ACADM: variants seen among roughly 807,000 people sequenced by gnomAD.
The protein encoded by ACADM is acyl-CoA dehydrogenase medium chain, also known as medium-chain specific acyl-CoA dehydrogenase, mitochondrial.
In ACADM, 49 loss-of-function variants were observed where a neutral mutation model predicts 58.9. The ratio of observed to expected loss-of-function variants is 0.83; its 90% CI spans 0.66 to 1.06. The LOEUF (loss-of-function observed/expected upper bound fraction) is 1.06, where lower values mean the gene tolerates loss of function less well. Ranked by LOEUF, ACADM falls within the 50% of genes least tolerant of loss-of-function variation. The pLI is 0.00. For missense variants in ACADM, 496 were observed against 507.0 expected (o/e 0.98, Z 0.21); for synonymous variants, 160 against 157.7 (o/e 1.01, Z -0.11).
intron 10 of ACADM, among the ~76,000 whole-genome samples, chr1:75,753,867 G>C (rs1269633972): frequency 1.4e-5 from 2 of 140,292 alleles, no homozygotes; most frequent in Non-Finnish European, 3.0e-5. Flanking sequence ...TGTGATCTCA[G>C]CTCACTGCAA....
chr1:75,725,679 A>C (rs1203967026), intron 1 of ACADM, among the ~76,000 whole-genome samples: 1 of 152,222 alleles, frequency 6.6e-6, no homozygotes, highest in Admixed American at 6.5e-5. Flanking sequence ...AAATGCACAA[A>C]AGTGTTCAAT....
chr1:75,743,414 C>T, intron 7 of ACADM: 3 of 1,609,318 alleles, frequency 1.9e-6, no homozygotes, highest in Non-Finnish European at 2.5e-6. Flanking sequence ...TGTGTGGGTT[C>T]CTCCTAAAGA....
At chr1:75,746,685 G>A (rs1647923289) in intron 8 of ACADM, among the ~76,000 whole-genome samples, 1 of 149,490 alleles carries the variant, frequency 6.7e-6, no homozygotes, top group African/African-American at 2.5e-5. Flanking sequence ...TGCAACCTCT[G>A]CCTCCTGGGC....
intron 7 of ACADM, chr1:75,744,104 TC>T: frequency 6.3e-7 from 1 of 1,588,588 alleles, no homozygotes; most frequent in Non-Finnish European, 8.6e-7. Flanking sequence ...GTTCATTTTC[TC>T]CTGATGTTCT....
intron 6 of ACADM, among the ~76,000 whole-genome samples, chr1:75,738,899 C>T (rs188906205): frequency 1.3e-5 from 2 of 152,268 alleles, no homozygotes; most frequent in Admixed American, 6.5e-5. Flanking sequence ...TGTCACTCCT[C>T]TGTTTAAGAG....
In ACADM at chr1:75,724,792, C is replaced by A; in HGVS notation, c.5C>A (p.Ala2Glu). The change falls in exon 1 of 12, where the codon GCA becomes GAA. Residue 2 changes from alanine to glutamate, a missense_variant. Physicochemically the swap from Ala to Glu is moderately radical, Grantham distance 107. Coordinates refer to ENST00000370841, the MANE Select transcript of ACADM (RefSeq NM_000016.6). M[A>E]AGFGRCCRVL... ...GTGGCCGGAACGGGAGCCAACATGG[C>A]AGCGGGGTTCGGGCGATGCTGCAGG... 1 of 1,523,136 alleles carries A rather than the reference C, an allele frequency of 6.6e-7. No individual in the cohort carries two copies. Among genetic ancestry groups the A allele is most frequent in the Non-Finnish European group, 8.8e-7 (1 of 1,133,684 alleles). The allele number at this position is 1,523,136 out of a possible 1,614,324, so 94.4% of individuals were successfully genotyped here.
At chr1:75,757,270 CA>C (rs1005374662) in intron 10 of ACADM, among the ~76,000 whole-genome samples, 1 of 152,084 alleles carries the variant, frequency 6.6e-6, no homozygotes, top group Non-Finnish European at 1.5e-5. Context: ...AGTGAACAGG[CA>C]ACCTACAGAA....
chr1:75,743,711 T>C (rs563858154), intron 7 of ACADM: 2 of 1,494,952 alleles, frequency 1.3e-6, no homozygotes, highest in Admixed American at 1.7e-5. Flanking sequence ...AATTCATTCT[T>C]TCGGGCCTTC....
intron 7 of ACADM, chr1:75,744,900 A>C (rs966133379): frequency 6.7e-5 from 25 of 373,534 alleles, no homozygotes; most frequent in Middle Eastern, 1.9e-3. Context: ...TGCCAGTTTC[A>C]ACAGGCATAG....
chr1:75,729,288 C>CTTT (rs1387865195), intron 2 of ACADM, among the ~76,000 whole-genome samples: 5 of 52,978 alleles, frequency 9.4e-5, no homozygotes, highest in African/African-American at 2.3e-4. Flanking sequence ...TTCTTTCTTT[C>CTTT]TTTTTTCTTT....
intron 11 of ACADM, among the ~76,000 whole-genome samples, chr1:75,762,381 G>A (rs1391653322): frequency 6.6e-6 from 1 of 151,400 alleles, no homozygotes; most frequent in Non-Finnish European, 1.5e-5. Flanking sequence ...CAAATATTTT[G>A]GCCACATTAA....
Position 75,756,401 on chromosome 1 carries a change from A to G in ACADM, c.946-4721A>G, listed in dbSNP as rs574342888. Among the ~76,000 whole-genome samples the G allele has an allele frequency of 7.5e-4, 102 of 135,678 alleles. 1 individual carries two copies. The highest frequency in any genetic ancestry group is 3.5e-3 in the Middle Eastern group (1 of 284). The allele number at this position is 135,678 out of a possible 152,430, so 89.0% of individuals were successfully genotyped here. ...ACAAAATCAATGTGCAAAAATCACAAGCATTCCTATACACCAACAACACAC... is the reference window on the plus strand; with the variant it reads ...ACAAAATCAATGTGCAAAAATCACAGGCATTCCTATACACCAACAACACAC... On this transcript the variant is annotated intron_variant, in intron 10 of 11. Transcript: ENST00000370841.
chr1:75,746,260 G>T (rs1647894838), intron 8 of ACADM, among the ~76,000 whole-genome samples: 1 of 152,174 alleles, frequency 6.6e-6, no homozygotes, highest in African/African-American at 2.4e-5. Context: ...GATCCTCACA[G>T]CAACCTTTTG....
At chr1:75,740,164 ATC>A in intron 7 of ACADM, 54 bp downstream of exon 7, 1 of 1,520,068 alleles carries the variant, frequency 6.6e-7, no homozygotes, top group Non-Finnish European at 9.1e-7. Context: ...TTATCTTCAA[ATC>A]TCTCTTTCTT....
chr1:75,748,413 AAAAT>A (rs1192107746), intron 8 of ACADM, among the ~76,000 whole-genome samples: 1 of 152,218 alleles, frequency 6.6e-6, no homozygotes, highest in Non-Finnish European at 1.5e-5. Context: ...AAGAGAAATG[AAAAT>A]AAAGACCTAT....
At chr1:75,730,354 A>G (rs1230125546) in intron 2 of ACADM, among the ~76,000 whole-genome samples, 4 of 152,146 alleles carry the variant, frequency 2.6e-5, no homozygotes, top group African/African-American at 9.7e-5. Context: ...GAGATTGTGA[A>G]GTTCAATACG....
At chr1:75,739,916 T>C in intron 6 of ACADM, 64 bp from the exon 7 acceptor site, 1 of 1,248,552 alleles carries the variant, frequency 8.0e-7, no homozygotes, top group East Asian at 2.6e-5. Context: ...CAATCCTGTT[T>C]CCAAACAGTC....
chr1:75,729,993 C>T (rs1647123049), intron 2 of ACADM, among the ~76,000 whole-genome samples: 1 of 139,352 alleles, frequency 7.2e-6, no homozygotes, highest in Non-Finnish European at 1.5e-5. Flanking sequence ...CTCCTGGGTT[C>T]AAGCGATTCT....
At chr1:75,724,950 G>GC (rs1647025278) in intron 1 of ACADM, 133 bp downstream of exon 1, 3 of 863,016 alleles carry the variant, frequency 3.5e-6, no homozygotes, top group South Asian at 3.9e-5. Context: ...CAGCCTAGGG[G>GC]CCCCCAACCT....
Sources: gnomAD v4.1 joint callset for allele counts (sites outside exome capture counted in the v4.1 genomes callset) on GRCh38, gnomAD v4.1.1 for gene constraint, MANE v1.5 for transcripts, NCBI Gene and HGNC (gene_info 2026-07-23, HGNC 2026-07-21) for gene names.